The following STPG2 variants were observed in gnomAD, a reference collection of about 807,000 sequenced individuals.
STPG2 encodes the protein sperm-tail PG-rich repeat-containing protein 2.
STPG2 carries 56 observed loss-of-function variants against 54.2 expected under a neutral mutation model. The ratio of observed to expected loss-of-function variants is 1.03; its 90% CI spans 0.83 to 1.29. STPG2 has a LOEUF of 1.29. Among genes scored for constraint, STPG2 ranks in the 50% most tolerant of loss-of-function variants. The pLI, the probability that STPG2 is intolerant of heterozygous loss-of-function variation, is 0.00. For synonymous variants in STPG2, 200 were observed against 181.8 expected, an observed-to-expected ratio of 1.10 and a Z score of -0.81; for missense variants, 596 against 544.9, an observed-to-expected ratio of 1.09 and a Z score of -0.93.
intron 2 of STPG2, among the ~76,000 whole-genome samples, chr4:98,133,329 A>G (rs1018339366): frequency 5.9e-5 from 9 of 152,058 alleles, no homozygotes; most frequent in African/African-American, 2.2e-4. Flanking sequence ...TTGATTGATC[A>G]GCTAAGATTT....
chr4:97,861,687 C>G (rs2149141574), intron 8 of STPG2, among the ~76,000 whole-genome samples: 1 of 152,102 alleles, frequency 6.6e-6, no homozygotes, highest in East Asian at 1.9e-4. Context: ...GTCGGGTTAC[C>G]CACAAAGAGA....
At chr4:97,670,569 T>C (rs1396592800) in intron 10 of STPG2, among the ~76,000 whole-genome samples, 1 of 152,216 alleles carries the variant, frequency 6.6e-6, no homozygotes, top group Non-Finnish European at 1.5e-5. Flanking sequence ...AAGCATTCTT[T>C]TGCAGCAGAT....
At chr4:97,874,995 G>C (rs1490177808) in intron 8 of STPG2, among the ~76,000 whole-genome samples, 1 of 151,870 alleles carries the variant, frequency 6.6e-6, no homozygotes, top group Non-Finnish European at 1.5e-5. Context: ...TGTTATAGCA[G>C]CCTAAAATAA....
intron 4 of STPG2, among the ~76,000 whole-genome samples, chr4:97,532,306 G>A (rs1322223987): frequency 1.3e-5 from 2 of 151,896 alleles, no homozygotes; most frequent in Admixed American, 6.6e-5. Flanking sequence ...CAGTTAAAAT[G>A]TTCACACAAC....
At chr4:97,911,677 G>T (rs1731682106) in intron 8 of STPG2, among the ~76,000 whole-genome samples, 1 of 152,162 alleles carries the variant, frequency 6.6e-6, no homozygotes, top group Non-Finnish European at 1.5e-5. Flanking sequence ...TTACCAGACA[G>T]AACTCTGATC....
intron 10 of STPG2, among the ~76,000 whole-genome samples, chr4:97,569,210 A>G (rs1456024174): frequency 1.3e-5 from 2 of 152,128 alleles, no homozygotes; most frequent in Non-Finnish European, 2.9e-5. Flanking sequence ...TCCCCTTTTA[A>G]GACCACATAG....
chr4:97,787,796 T>C (rs1726871047), intron 9 of STPG2, among the ~76,000 whole-genome samples: 1 of 151,894 alleles, frequency 6.6e-6, no homozygotes, highest in South Asian at 2.1e-4. Context: ...ACTCAGATTT[T>C]CTAATTTTTT....
intron 10 of STPG2, among the ~76,000 whole-genome samples, chr4:97,646,151 TG>T (rs1470474781): frequency 6.6e-6 from 1 of 152,162 alleles, no homozygotes; most frequent in Non-Finnish European, 1.5e-5. Flanking sequence ...AATTAAAATA[TG>T]TGGTTTTGAA....
chr4:97,450,978 T>C (rs372129220), intron 4 of STPG2, among the ~76,000 whole-genome samples: 1 of 152,080 alleles, frequency 6.6e-6, no homozygotes, highest in African/African-American at 2.4e-5. Context: ...AATCAAGATG[T>C]TTTTCAGGTT....
intron 10 of STPG2, among the ~76,000 whole-genome samples, chr4:97,574,111 T>C (rs1269492464): frequency 6.6e-6 from 1 of 152,152 alleles, no homozygotes; most frequent in Non-Finnish European, 1.5e-5. Flanking sequence ...GGGGACTTTA[T>C]TCTACCTATC....
chr4:97,718,162 T>C (rs1212434404), intron 9 of STPG2, among the ~76,000 whole-genome samples: 6 of 152,036 alleles, frequency 3.9e-5, no homozygotes, highest in Admixed American at 3.9e-4. Flanking sequence ...CATGTACAAA[T>C]CAGGATAATG....
intron 4 of STPG2, among the ~76,000 whole-genome samples, chr4:97,527,250 T>A (rs1408370189): frequency 6.6e-6 from 1 of 152,010 alleles, no homozygotes; most frequent in Non-Finnish European, 1.5e-5. Context: ...ACATGTGGGG[T>A]TTGGTTTTCT....
chr4:97,599,821 C>G (rs1733408432), intron 10 of STPG2, among the ~76,000 whole-genome samples: 1 of 63,466 alleles, frequency 1.6e-5, no homozygotes, highest in African/African-American at 8.3e-5. Context: ...GAGATTCTGT[C>G]TCAAAAAAAA....
intron 7 of STPG2, among the ~76,000 whole-genome samples, chr4:97,965,392 G>A (rs1734059494): frequency 6.6e-6 from 1 of 152,204 alleles, no homozygotes; most frequent in African/African-American, 2.4e-5. Context: ...TGCCTCTATA[G>A]ACTCCACTTT....
intron 4 of STPG2, among the ~76,000 whole-genome samples, chr4:97,530,866 G>C (rs1235977335): frequency 6.6e-6 from 1 of 152,160 alleles, no homozygotes; most frequent in African/African-American, 2.4e-5. Flanking sequence ...ATTTCACAGT[G>C]AACTCACAGC....
At chr4:97,600,888 A>G (rs1279662269) in intron 10 of STPG2, among the ~76,000 whole-genome samples, 3 of 152,094 alleles carry the variant, frequency 2.0e-5, no homozygotes, top group Non-Finnish European at 2.9e-5. Flanking sequence ...GGATTTGTCT[A>G]CACATAGGAT....
At chr4:97,742,551 G>GTATATA (rs1467194240) in intron 9 of STPG2, among the ~76,000 whole-genome samples, 269 of 142,872 alleles carry the variant, frequency 1.9e-3, no homozygotes, top group Non-Finnish European at 3.0e-3. Flanking sequence ...GTGTGTGTGT[G>GTATATA]TGTGTGTGTG....
chr4:97,491,805 G>GA (rs1730509405), intron 4 of STPG2, among the ~76,000 whole-genome samples: 1 of 151,464 alleles, frequency 6.6e-6, no homozygotes, highest in Non-Finnish European at 1.5e-5. Flanking sequence ...TGAAAGCACA[G>GA]AAAACCTAAT....
chr4:97,883,870 T>C (rs528094988), intron 8 of STPG2, among the ~76,000 whole-genome samples: 1 of 151,844 alleles, frequency 6.6e-6, no homozygotes, highest in Non-Finnish European at 1.5e-5. Flanking sequence ...TAACCAAGAA[T>C]TTTCAAAAAG....
Sources: allele counts gnomAD v4.1 joint callset (sites outside exome capture counted in the v4.1 genomes callset), GRCh38; gene constraint gnomAD v4.1.1; transcripts MANE v1.5; gene names NCBI Gene and HGNC (gene_info 2026-07-23, HGNC 2026-07-21).